Variants in LRRFIP2 observed in about 807,000 individuals in gnomAD.
LRRFIP2 encodes the protein leucine-rich repeat flightless-interacting protein 2.
In LRRFIP2, 109 loss-of-function variants were observed where a neutral mutation model predicts 125.9. The ratio of observed to expected loss-of-function variants is 0.87; its 90% CI spans 0.74 to 1.01. The LOEUF is 1.01. Among genes scored for constraint, LRRFIP2 ranks in the 50% least tolerant of loss-of-function variants. The probability of loss-of-function intolerance (pLI) is 0.00; values close to 1 mark genes in which losing one functional copy is unlikely to be tolerated. For synonymous variants in LRRFIP2, 291 were observed against 293.1 expected, an observed-to-expected ratio of 0.99 and a Z score of 0.07; for missense variants, 850 against 862.3, an observed-to-expected ratio of 0.99 and a Z score of 0.18.
chr3:37,097,288 A>G (rs895669795), intron 15 of LRRFIP2, among the ~76,000 whole-genome samples: 2 of 152,072 alleles, frequency 1.3e-5, no homozygotes, highest in African/African-American at 4.8e-5. Context: ...TCTAATAGCA[A>G]CCAACCACAA....
In LRRFIP2 at chr3:37,085,744, G is replaced by A. The variant is rs546685601; in HGVS notation, c.1108-1938C>T. Among the ~76,000 whole-genome samples, 5 of 151,792 alleles carry A rather than the reference G, an allele frequency of 3.3e-5. No individual in the cohort carries two copies. In the South Asian group the frequency reaches 1.0e-3, roughly 32 times the overall value. ...TTACAGGCACACATCACCACTCCCG[G>A]CTAATTTTTTGTATTTTTTAGTAGA... On this transcript the variant is annotated intron_variant, in intron 18 of 27. Coordinates refer to ENST00000336686, the MANE Select transcript of LRRFIP2 (RefSeq NM_006309.4).
At chr3:37,100,889 A>G (rs902981820) in intron 15 of LRRFIP2, among the ~76,000 whole-genome samples, 2 of 152,186 alleles carry the variant, frequency 1.3e-5, no homozygotes, top group South Asian at 4.1e-4. Flanking sequence ...CCACACCAAG[A>G]TGATACTGTT....
intron 24 of LRRFIP2, among the ~76,000 whole-genome samples, chr3:37,062,974 G>A (rs1161477652): frequency 6.6e-6 from 1 of 152,158 alleles, no homozygotes; most frequent in Non-Finnish European, 1.5e-5. Flanking sequence ...GAGAGGGCAA[G>A]TCACTAGTTT....
upstream of LRRFIP2, chr3:37,175,813 C>T (rs114766032): frequency 0.023 from 3,504 of 152,354 alleles, 62 homozygotes; most frequent in Middle Eastern, 0.031. Context: ...GGGAATAACA[C>T]GTACCTTTTC....
intron 1 of LRRFIP2, among the ~76,000 whole-genome samples, chr3:37,165,960 G>A (rs2096480450): frequency 6.6e-6 from 1 of 152,152 alleles, no homozygotes; most frequent in Non-Finnish European, 1.5e-5. Flanking sequence ...AAAACTTCAT[G>A]ATATTGAATT....
intron 18 of LRRFIP2, among the ~76,000 whole-genome samples, chr3:37,090,461 C>T (rs1393288784): frequency 6.6e-6 from 1 of 152,116 alleles, no homozygotes; most frequent in Non-Finnish European, 1.5e-5. Flanking sequence ...AACTCCTGAC[C>T]TCAGGTCATC....
intron 27 of LRRFIP2, 113 bp downstream of exon 27, chr3:37,054,298 G>A (rs1443273991): frequency 1.2e-6 from 1 of 803,780 alleles, no homozygotes; most frequent in African/African-American, 1.7e-5. Context: ...TTAGTTAAGT[G>A]ACTCCACTGC....
intron 24 of LRRFIP2, among the ~76,000 whole-genome samples, chr3:37,062,387 G>T (rs939243190): frequency 6.6e-6 from 1 of 152,030 alleles, no homozygotes; most frequent in Admixed American, 6.6e-5. Context: ...TTCCAAAATA[G>T]AGAACACAGC....
At chr3:37,054,154 G>C (rs2086137288) in intron 27 of LRRFIP2, among the ~76,000 whole-genome samples, 193 bp from the exon 28 acceptor site, 1 of 152,194 alleles carries the variant, frequency 6.6e-6, no homozygotes, top group Non-Finnish European at 1.5e-5. Context: ...TTTAATCACA[G>C]AAAGGATATA....
intron 7 of LRRFIP2, among the ~76,000 whole-genome samples, chr3:37,114,086 A>G (rs1261859874): frequency 6.7e-6 from 1 of 150,106 alleles, no homozygotes; most frequent in Non-Finnish European, 1.5e-5. Context: ...TGTATTCCCA[A>G]TCAATGATTA....
At chr3:37,173,272 G>C (rs1208139838) in intron 1 of LRRFIP2, among the ~76,000 whole-genome samples, 2 of 151,954 alleles carry the variant, frequency 1.3e-5, no homozygotes, top group Non-Finnish European at 2.9e-5. Flanking sequence ...CTGGAGTGCA[G>C]TGGTGTTTTC....
chr3:37,155,621 G>A (rs1250796393), intron 1 of LRRFIP2, among the ~76,000 whole-genome samples: 4 of 152,208 alleles, frequency 2.6e-5, no homozygotes, highest in Non-Finnish European at 4.4e-5. Flanking sequence ...ACTTGAAACA[G>A]AAGATAGAGA....
intron 21 of LRRFIP2, chr3:37,067,595 C>G (rs1440852226): frequency 1.3e-5 from 2 of 152,182 alleles, no homozygotes; most frequent in Non-Finnish European, 2.9e-5. Context: ...TTCAAAAAAT[C>G]ATTATAATCC....
chr3:37,113,293 G>A (rs2094623300), intron 7 of LRRFIP2, among the ~76,000 whole-genome samples: 1 of 152,098 alleles, frequency 6.6e-6, no homozygotes, highest in South Asian at 2.1e-4. Context: ...CCACACTTGA[G>A]TCCCTCTGAC....
intron 2 of LRRFIP2, among the ~76,000 whole-genome samples, chr3:37,132,148 T>C (rs2095443650): frequency 1.3e-5 from 2 of 152,090 alleles, no homozygotes; most frequent in African/African-American, 4.8e-5. Context: ...TTTTTTTTTT[T>C]AATAGGAAAC....
At chr3:37,082,405 A>C (rs183623440) in intron 19 of LRRFIP2, among the ~76,000 whole-genome samples, 4 of 152,328 alleles carry the variant, frequency 2.6e-5, no homozygotes, top group Admixed American at 2.6e-4. Context: ...AATTATGTTT[A>C]AAGTACAGAG....
chr3:37,164,626 C>T (rs548792374), intron 1 of LRRFIP2, among the ~76,000 whole-genome samples: 6 of 150,672 alleles, frequency 4.0e-5, no homozygotes, highest in African/African-American at 9.8e-5. Context: ...GAGGCAGAGG[C>T]GGGAAAATTG....
chr3:37,154,290 G>A (rs909593390), intron 1 of LRRFIP2, among the ~76,000 whole-genome samples: 6 of 152,202 alleles, frequency 3.9e-5, no homozygotes, highest in South Asian at 2.1e-4. Flanking sequence ...AAAGGAATAC[G>A]ATTCTTAACA....
chr3:37,054,152 C>T (rs2086135349), intron 27 of LRRFIP2, among the ~76,000 whole-genome samples, 191 bp from the exon 28 acceptor site: 1 of 152,136 alleles, frequency 6.6e-6, no homozygotes. Context: ...GTTTTAATCA[C>T]AGAAAGGATA....
Sources: gnomAD v4.1 joint callset for allele counts (sites outside exome capture counted in the v4.1 genomes callset) on GRCh38, gnomAD v4.1.1 for gene constraint, MANE v1.5 for transcripts, NCBI Gene and HGNC (gene_info 2026-07-23, HGNC 2026-07-21) for gene names.